Variants in KLHL8 observed in about 807,000 individuals in gnomAD.
KLHL8 encodes kelch like family member 8.
A neutral mutation model predicts 63.5 loss-of-function variants in KLHL8; 38 were observed. The ratio of observed to expected loss-of-function variants is 0.60; its 90% CI spans 0.46 to 0.78. KLHL8 has a LOEUF of 0.78. KLHL8 is among the 30% of genes least tolerant of loss of function. KLHL8 has a pLI of 0.00. For missense variants in KLHL8, 566 were observed against 752.4 expected, an observed-to-expected ratio of 0.75 and a Z score of 2.90; for synonymous variants, 224 against 254.3, an observed-to-expected ratio of 0.88 and a Z score of 1.13.
At chr4:87,184,331 A>G (rs1731171122) in intron 3 of KLHL8, among the ~76,000 whole-genome samples, 1 of 148,728 alleles carries the variant, frequency 6.7e-6, no homozygotes, top group African/African-American at 2.5e-5. Context: ...TCTTATCATC[A>G]TACTCTGAAT....
chr4:87,168,600 A>G lies in KLHL8; in HGVS notation c.1537+1479T>C, dbSNP rs574317327. Among the ~76,000 whole-genome samples the G allele has an allele frequency of 7.9e-4, 120 of 151,524 alleles. No individual in the cohort carries two copies. In the South Asian group the frequency reaches 0.011, roughly 14 times the overall value. On this transcript the variant is annotated intron_variant, in intron 8 of 9. Transcript: ENST00000273963. ...ATGCTGTTTTTTATGGACTGAAATC[A>G]ATTTATAATATTTTTTTCTGCAACA...
intron 1 of KLHL8, among the ~76,000 whole-genome samples, chr4:87,212,747 C>G (rs1732450692): frequency 6.6e-6 from 1 of 152,130 alleles, no homozygotes; most frequent in Admixed American, 6.5e-5. Context: ...TCTGTTTAGA[C>G]ACACGAATAG....
intron 8 of KLHL8, among the ~76,000 whole-genome samples, chr4:87,165,404 G>A (rs530635052): frequency 6.6e-6 from 1 of 151,740 alleles, no homozygotes; most frequent in Admixed American, 6.6e-5. Flanking sequence ...TTTTTGTTTT[G>A]TTTTGTTTTG....
At chr4:87,173,474 C>T (rs1730710085) in intron 6 of KLHL8, among the ~76,000 whole-genome samples, 1 of 152,046 alleles carries the variant, frequency 6.6e-6, no homozygotes, top group Admixed American at 6.6e-5. Flanking sequence ...TGGGTTTCAA[C>T]AGACTCATAG....
At chr4:87,205,423 ACAC>A (rs1732085463) in intron 1 of KLHL8, among the ~76,000 whole-genome samples, 1 of 151,938 alleles carries the variant, frequency 6.6e-6, no homozygotes, top group Non-Finnish European at 1.5e-5. Flanking sequence ...ACACACACAC[ACAC>A]ACACACACAC....
chr4:87,224,347 C>T (rs992408066), upstream of KLHL8, among the ~76,000 whole-genome samples: 2 of 152,226 alleles, frequency 1.3e-5, no homozygotes, highest in East Asian at 3.9e-4. Context: ...TGGCTCATTC[C>T]CTGGATGACA....
Position 87,237,869 on chromosome 4 carries a change from TTC to T in KLHL8, n.57+2387_57+2388del, listed in dbSNP as rs572842005. 5.9e-4 allele frequency among the ~76,000 whole-genome samples: 90 copies of T among 152,210 alleles called. 1 individual carries two copies. The highest frequency in any genetic ancestry group is 6.8e-3 in the Middle Eastern group (2 of 294). ...ATTTGACACTGATAATAATAATGAG[TTC>T]TGTTTTTGCTACCTTTTCAGAAAAA... is the stretch of plus-strand genomic sequence containing the variant. On this transcript the variant is annotated intron_variant and non_coding_transcript_variant, in intron 1 of 1. Coordinates refer to the KLHL8 transcript ENST00000506274.
chr4:87,202,084 TG>T (rs1204680775), intron 1 of KLHL8, among the ~76,000 whole-genome samples: 1 of 151,534 alleles, frequency 6.6e-6, no homozygotes. Flanking sequence ...CACTCCAGCC[TG>T]GGCGACTGAG....
intron 1 of KLHL8, among the ~76,000 whole-genome samples, chr4:87,213,907 G>T (rs1732495692): frequency 6.6e-6 from 1 of 152,198 alleles, no homozygotes; most frequent in Non-Finnish European, 1.5e-5. Context: ...GGGATTCTGT[G>T]TTAATTGTGC....
chr4:87,200,968 T>C (rs550266044), intron 1 of KLHL8, among the ~76,000 whole-genome samples: 1 of 152,262 alleles, frequency 6.6e-6, no homozygotes, highest in African/African-American at 2.4e-5. Context: ...TCAAAAATGA[T>C]GAAAATCCTG....
chr4:87,194,284 A>G (rs914068025), intron 2 of KLHL8, among the ~76,000 whole-genome samples: 2 of 152,218 alleles, frequency 1.3e-5, no homozygotes, highest in Non-Finnish European at 2.9e-5. Flanking sequence ...TGCTGTAACA[A>G]GCAAAATCTG....
At chr4:87,181,193 GA>G (rs1731038612) in intron 4 of KLHL8, among the ~76,000 whole-genome samples, 1 of 151,830 alleles carries the variant, frequency 6.6e-6, no homozygotes, top group Non-Finnish European at 1.5e-5. Flanking sequence ...TTGGGAGGTT[GA>G]GGTGGGTGGA....
intron 1 of KLHL8, among the ~76,000 whole-genome samples, chr4:87,227,410 G>A (rs752083901): frequency 6.6e-6 from 1 of 152,148 alleles, no homozygotes; most frequent in South Asian, 2.1e-4. Context: ...GGGAGGCCCA[G>A]ACAAAGGAAG....
intron 1 of KLHL8, chr4:87,207,659 C>G: frequency 8.6e-7 from 1 of 1,164,980 alleles, no homozygotes; most frequent in Non-Finnish European, 1.3e-6. Context: ...GATGGCCCCT[C>G]TGGGAAACTG....
In KLHL8 at chr4:87,236,575, A is replaced by C. The variant is rs139195950; in HGVS notation, n.57+3683T>G. Reference sequence around the variant, plus strand: ...AAGGAAGGGCATAACATCACTTTAGAACACTAAGGACTGAAAATTTCATTA... The same window carrying C: ...AAGGAAGGGCATAACATCACTTTAGCACACTAAGGACTGAAAATTTCATTA... On this transcript the variant is annotated intron_variant and non_coding_transcript_variant, in intron 1 of 1. Transcript: ENST00000506274. 2.4e-4 allele frequency among the ~76,000 whole-genome samples: 36 copies of C among 152,096 alleles called. 1 individual carries two copies. In the East Asian group the frequency reaches 5.8e-3, roughly 24 times the overall value.
intron 3 of KLHL8, among the ~76,000 whole-genome samples, chr4:87,184,617 A>C (rs1363756995): frequency 1.3e-5 from 2 of 152,160 alleles, no homozygotes; most frequent in Non-Finnish European, 1.5e-5. Context: ...GAAGAAAGGA[A>C]AAAATGGAGG....
rs2110070200 is a variant in KLHL8 at position 87,230,471 on chromosome 4, G to T, written n.58-9081C>A. Among the ~76,000 whole-genome samples the T allele has an allele frequency of 2.0e-5, 3 of 152,266 alleles. No individual in the cohort carries two copies. The Middle Eastern group carries it at 0.01, about 518-fold the overall frequency. On this transcript the variant is annotated intron_variant and non_coding_transcript_variant, in intron 1 of 1. Coordinates refer to the KLHL8 transcript ENST00000506274. The stretch of plus-strand genomic sequence containing the variant: ...CTATTAACGTTTTTGTTCAGGCTGG[G>T]ATTATCACCTAGATCACCTCATTCC...
intron 1 of KLHL8, among the ~76,000 whole-genome samples, chr4:87,229,228 T>C (rs573648390): frequency 1.1e-4 from 16 of 152,028 alleles, no homozygotes; most frequent in Non-Finnish European, 2.1e-4. Context: ...TTGGTAGAGG[T>C]ACTACACAGA....
At chr4:87,169,100 T>C (rs1005196606) in intron 8 of KLHL8, among the ~76,000 whole-genome samples, 2 of 150,292 alleles carry the variant, frequency 1.3e-5, no homozygotes, top group African/African-American at 4.9e-5. Context: ...AGGTCAGGAG[T>C]TCAAGATCAG....
Sources: gnomAD v4.1 joint callset for allele counts (sites outside exome capture counted in the v4.1 genomes callset) on GRCh38, gnomAD v4.1.1 for gene constraint, MANE v1.5 for transcripts, NCBI Gene and HGNC (gene_info 2026-07-23, HGNC 2026-07-21) for gene names.